The following NETO2 variants were observed in gnomAD, a reference collection of about 807,000 sequenced individuals.
The protein encoded by NETO2 is neuropilin and tolloid like 2.
NETO2 carries 28 observed loss-of-function variants against 62.5 expected under a neutral mutation model. The ratio of observed to expected loss-of-function variants is 0.45; its 90% CI spans 0.33 to 0.61. The LOEUF is 0.61. NETO2 is among the 20% of genes least tolerant of loss of function. The probability of loss-of-function intolerance (pLI) is 0.02; values close to 1 mark genes in which losing one functional copy is unlikely to be tolerated. For synonymous variants in NETO2, 214 were observed against 219.1 expected (o/e 0.98, Z 0.21); for missense variants, 548 against 643.2 (o/e 0.85, Z 1.60).
intron 1 of NETO2, among the ~76,000 whole-genome samples, chr16:47,132,493 G>A (rs1964286105): frequency 2.0e-5 from 3 of 152,118 alleles, no homozygotes; most frequent in African/African-American, 4.8e-5. Flanking sequence ...GGGGGCAGCA[G>A]TCTCCTAGAA....
intron 7 of NETO2, among the ~76,000 whole-genome samples, chr16:47,101,141 C>A (rs1162680014): frequency 6.6e-6 from 1 of 151,724 alleles, no homozygotes; most frequent in African/African-American, 2.4e-5. Flanking sequence ...GCAAGGCTGG[C>A]TCAACATAAG....
chr16:47,087,151 C>T (rs1963209496), intron 7 of NETO2, among the ~76,000 whole-genome samples: 1 of 151,898 alleles, frequency 6.6e-6, no homozygotes, highest in African/African-American at 2.4e-5. Context: ...GTGTCAGCCT[C>T]CAGAGTAGCT....
intron 7 of NETO2, among the ~76,000 whole-genome samples, chr16:47,088,674 A>G (rs1337440830): frequency 6.6e-6 from 1 of 152,164 alleles, no homozygotes; most frequent in African/African-American, 2.4e-5. Flanking sequence ...TAATAAACAT[A>G]ATTTTAAAAA....
intron 6 of NETO2, among the ~76,000 whole-genome samples, chr16:47,112,754 A>G (rs1346604772): frequency 2.6e-5 from 4 of 152,224 alleles, no homozygotes; most frequent in Non-Finnish European, 5.9e-5. Context: ...TACTTTTATT[A>G]AAAGCAATAC....
At chr16:47,117,450 A>C (rs1963945617) in intron 6 of NETO2, among the ~76,000 whole-genome samples, 1 of 152,158 alleles carries the variant, frequency 6.6e-6, no homozygotes, top group South Asian at 2.1e-4. Context: ...TCAAATATTT[A>C]TTCTGTGCCA....
At chr16:47,095,759 G>A (rs1414390711) in intron 7 of NETO2, among the ~76,000 whole-genome samples, 3 of 151,994 alleles carry the variant, frequency 2.0e-5, no homozygotes, top group Non-Finnish European at 4.4e-5. Flanking sequence ...AGAATGACCA[G>A]GCAGAACATC....
At chr16:47,087,287 G>A (rs1432686739) in intron 7 of NETO2, among the ~76,000 whole-genome samples, 1 of 152,146 alleles carries the variant, frequency 6.6e-6, no homozygotes, top group East Asian at 1.9e-4. Flanking sequence ...GCCTCCCAAA[G>A]CGCTGGGATT....
chr16:47,117,651 G>A (rs1005402088), intron 6 of NETO2, among the ~76,000 whole-genome samples: 1 of 151,934 alleles, frequency 6.6e-6, no homozygotes, highest in African/African-American at 2.4e-5. Context: ...GTGATTATTT[G>A]TTAAAAATTC....
intron 7 of NETO2, among the ~76,000 whole-genome samples, chr16:47,088,171 C>T (rs536412176): frequency 1.3e-4 from 19 of 152,000 alleles, no homozygotes; most frequent in South Asian, 6.2e-4. Context: ...GTGGCATGAT[C>T]GCAGCTCACT....
chr16:47,104,524 A>C (rs1205617819), intron 7 of NETO2, among the ~76,000 whole-genome samples: 1 of 152,206 alleles, frequency 6.6e-6, no homozygotes. Context: ...AAATAGAAAA[A>C]GTCATCCTAA....
intron 7 of NETO2, among the ~76,000 whole-genome samples, chr16:47,089,680 T>C (rs762690440): frequency 2.0e-5 from 3 of 152,164 alleles, no homozygotes; most frequent in African/African-American, 4.8e-5. Flanking sequence ...TGCCATCATA[T>C]TGAGGGCTGG....
At chr16:47,109,814 A>C in intron 6 of NETO2, 103 bp from the exon 7 acceptor site, 1 of 742,274 alleles carries the variant, frequency 1.3e-6, no homozygotes, top group East Asian at 2.7e-5. Flanking sequence ...ATGACAGCTG[A>C]CAGAAAACCA....
chr16:47,139,057 G>C (rs1166021435), intron 1 of NETO2, among the ~76,000 whole-genome samples: 1 of 151,960 alleles, frequency 6.6e-6, no homozygotes, highest in Admixed American at 6.6e-5. Context: ...ATATTACCTG[G>C]TATTTTGAGT....
At position 47,083,545 on chromosome 16, in the gene NETO2, T is replaced by C; in HGVS notation, c.1254A>G (p.Glu418=). The change falls in exon 9 of 9, where the codon GAA becomes GAG. Residue 418 remains glutamate, a synonymous_variant. Coordinates refer to ENST00000562435, the MANE Select transcript of NETO2 (RefSeq NM_018092.5). Reference sequence around the variant, plus strand: ...GCCGCATCTTCTGGTAGTTGTCCAATTCTTCCGACAAGTCTGCCAGGTCTG... The same window carrying C: ...GCCGCATCTTCTGGTAGTTGTCCAACTCTTCCGACAAGTCTGCCAGGTCTG... ...ISADLADLSE[E]LDNYQKMRRS... The C allele has an allele frequency of 6.2e-7, 1 of 1,614,226 alleles. No individual in the cohort carries two copies. Among genetic ancestry groups the C allele is most frequent in the Non-Finnish European group, 8.5e-7 (1 of 1,180,044 alleles).
chr16:47,105,019 CTTT>C (rs759872893), intron 7 of NETO2, among the ~76,000 whole-genome samples: 2 of 136,082 alleles, frequency 1.5e-5, no homozygotes, highest in East Asian at 2.0e-4. Context: ...TGTGCCTGGC[CTTT>C]TTTTTTTTCT....
chr16:47,115,844 T>A (rs1169486743), intron 6 of NETO2, among the ~76,000 whole-genome samples: 3 of 150,846 alleles, frequency 2.0e-5, no homozygotes, highest in Non-Finnish European at 3.0e-5. Context: ...ATGTTGGGAT[T>A]ACAGGCGGGA....
chr16:47,124,981 T>C (rs1298242478), intron 4 of NETO2, among the ~76,000 whole-genome samples: 1 of 152,080 alleles, frequency 6.6e-6, no homozygotes, highest in Non-Finnish European at 1.5e-5. Flanking sequence ...ATAACATGAA[T>C]AGAGGAAAAA....
chr16:47,135,382 T>C (rs1413296193), intron 1 of NETO2, among the ~76,000 whole-genome samples: 1 of 152,098 alleles, frequency 6.6e-6, no homozygotes, highest in African/African-American at 2.4e-5. Flanking sequence ...ATAATGTATA[T>C]AGGAAGGCGC....
chr16:47,091,242 C>T (rs1226925844), intron 7 of NETO2, among the ~76,000 whole-genome samples: 1 of 152,120 alleles, frequency 6.6e-6, no homozygotes, highest in African/African-American at 2.4e-5. Flanking sequence ...GAAGTTAAAT[C>T]TATTGCAGCC....
Sources: allele counts gnomAD v4.1 joint callset (sites outside exome capture counted in the v4.1 genomes callset), GRCh38; gene constraint gnomAD v4.1.1; transcripts MANE v1.5; gene names NCBI Gene and HGNC (gene_info 2026-07-23, HGNC 2026-07-21).